LANCL3: variants seen among roughly 807,000 people sequenced by gnomAD.
LANCL3 encodes lanC-like protein 3.
In LANCL3, 19 loss-of-function variants were observed where a neutral mutation model predicts 26.5. The observed-to-expected ratio is 0.72, with a 90% CI of 0.50 to 1.05. The LOEUF is 1.05. Ranked by LOEUF, LANCL3 falls within the 50% of genes least tolerant of loss-of-function variation. The pLI, the probability that LANCL3 is intolerant of heterozygous loss-of-function variation, is 0.00. For missense variants in LANCL3, 318 were observed against 362.7 expected, an observed-to-expected ratio of 0.88 and a Z score of 1.00; for synonymous variants, 160 against 166.6, an observed-to-expected ratio of 0.96 and a Z score of 0.30.
rs567241559 is a variant in LANCL3, at chrX:37,595,596, C to T, written c.573+23153C>T. Among the ~76,000 whole-genome samples the T allele has an allele frequency of 4.4e-5, 5 of 112,395 alleles. 1 individual carries two copies. The South Asian group carries it at 1.1e-3, about 25-fold the overall frequency. On this transcript the variant is annotated intron_variant, in intron 1 of 4. Transcript: ENST00000378619. ...GTGACAGATCCAAATGATCCACTTA[C>T]GCGTTTCTGTGCTGACAAGTAGAAC...
chrX:37,630,340 G>T (rs1218127488), intron 1 of LANCL3, among the ~76,000 whole-genome samples: 1 of 111,647 alleles, frequency 9.0e-6, no homozygotes, highest in Non-Finnish European at 1.9e-5. Context: ...TCAGCTTAAG[G>T]AGATTTTGGG....
intron 1 of LANCL3, among the ~76,000 whole-genome samples, chrX:37,584,784 T>G (rs781940874): frequency 1.6e-3 from 184 of 111,842 alleles, no homozygotes; most frequent in African/African-American, 5.5e-3. Flanking sequence ...GGTTTTTTGT[T>G]TCTCTATCTC....
intron 1 of LANCL3, among the ~76,000 whole-genome samples, chrX:37,642,863 G>A (rs187366973): frequency 1.8e-5 from 2 of 112,308 alleles, no homozygotes; most frequent in East Asian, 5.6e-4. Context: ...AAGCCACTAT[G>A]AATTCAGAAT....
intron 1 of LANCL3, among the ~76,000 whole-genome samples, chrX:37,591,335 A>G (rs1556418910): frequency 8.9e-6 from 1 of 111,759 alleles, no homozygotes; most frequent in African/African-American, 3.3e-5. Context: ...AACACTAGAA[A>G]GATTCAGGAA....
intron 1 of LANCL3, among the ~76,000 whole-genome samples, chrX:37,635,670 C>T (rs782679070): frequency 2.9e-4 from 32 of 110,214 alleles, no homozygotes; most frequent in Non-Finnish European, 4.7e-4. Context: ...AAGAGGATTT[C>T]GAACATTCCC....
At chrX:37,630,860 T>C (rs1379875902) in intron 1 of LANCL3, among the ~76,000 whole-genome samples, 10 of 110,931 alleles carry the variant, frequency 9.0e-5, no homozygotes, top group African/African-American at 3.0e-4. Context: ...TGCCAGTATT[T>C]TATTGAAGAT....
At chrX:37,628,671 C>T (rs1299846727) in intron 1 of LANCL3, among the ~76,000 whole-genome samples, 2 of 94,461 alleles carry the variant, frequency 2.1e-5, no homozygotes, top group African/African-American at 8.0e-5. Context: ...TTGTTCAATT[C>T]CCACCTATGA....
intron 1 of LANCL3, among the ~76,000 whole-genome samples, chrX:37,637,636 C>T (rs1925741807): frequency 8.9e-6 from 1 of 111,982 alleles, no homozygotes; most frequent in Non-Finnish European, 1.9e-5. Flanking sequence ...CATCACAAGT[C>T]ACTAAGCAAT....
intron 1 of LANCL3, among the ~76,000 whole-genome samples, chrX:37,587,744 C>T (rs781836267): frequency 8.9e-6 from 1 of 112,482 alleles, no homozygotes; most frequent in South Asian, 3.7e-4. Context: ...TTGTGCTTCC[C>T]GGGTGAGGGG....
At chrX:37,667,574 G>GA (rs1926576410) in intron 4 of LANCL3, 85 bp downstream of exon 4, 1 of 717,449 alleles carries the variant, frequency 1.4e-6, no homozygotes, top group South Asian at 4.0e-5. Context: ...CACATGGTTT[G>GA]AAAAGCATAA....
chrX:37,673,051 T>A (rs933825945), intron 4 of LANCL3, among the ~76,000 whole-genome samples: 1 of 112,218 alleles, frequency 8.9e-6, no homozygotes, highest in South Asian at 3.7e-4. Flanking sequence ...ATCACTCGGG[T>A]TTTCTACCTC....
intron 1 of LANCL3, among the ~76,000 whole-genome samples, chrX:37,593,860 A>C (rs1924355475): frequency 8.9e-6 from 1 of 112,313 alleles, no homozygotes; most frequent in South Asian, 3.7e-4. Context: ...GTCAGCAAAC[A>C]TTTCCCCATC....
chrX:37,604,141 A>G (rs1186069031), intron 1 of LANCL3, among the ~76,000 whole-genome samples: 1 of 112,549 alleles, frequency 8.9e-6, no homozygotes, highest in Non-Finnish European at 1.9e-5. Flanking sequence ...TGTTCCCAAC[A>G]TTTCATTTGC....
chrX:37,656,431 C>T (rs2146780932), intron 2 of LANCL3, among the ~76,000 whole-genome samples: 1 of 111,575 alleles, frequency 9.0e-6, no homozygotes, highest in East Asian at 2.8e-4. Flanking sequence ...CTCTTTCCAC[C>T]TTTGTCCATG....
At chrX:37,609,833 G>A (rs1277512399) in intron 1 of LANCL3, among the ~76,000 whole-genome samples, 6 of 111,624 alleles carry the variant, frequency 5.4e-5, no homozygotes. Context: ...AGAGATAGGG[G>A]CATGCAGATT....
rs1409262719 is a variant in LANCL3 at position 37,617,128 on chromosome X, G to T, written c.574-38560G>T. The stretch of plus-strand genomic sequence containing the variant: ...GGAACAAGGAAAAGTGGGTGGGGGG[G>T]AGGGAGAGAGAGAGAGATTGACTGA... On this transcript the variant is annotated intron_variant, in intron 1 of 4. Coordinates refer to ENST00000378619, the MANE Select transcript of LANCL3 (RefSeq NM_001170331.2). Among the ~76,000 whole-genome samples the T allele has an allele frequency of 4.7e-5, 5 of 105,767 alleles. No individual in the cohort carries two copies. In the East Asian group the frequency reaches 1.6e-3, roughly 33 times the overall value. 91.8% of individuals were successfully genotyped at this position (105,767 alleles called of 115,157 possible).
chrX:37,617,786 A>T (rs912206758), intron 1 of LANCL3, among the ~76,000 whole-genome samples: 1 of 111,739 alleles, frequency 8.9e-6, no homozygotes, highest in African/African-American at 3.3e-5. Context: ...CATTTCCCCA[A>T]AGAGGGAAAG....
chrX:37,642,591 G>A (rs1273777225), intron 1 of LANCL3, among the ~76,000 whole-genome samples: 3 of 112,071 alleles, frequency 2.7e-5, no homozygotes, highest in East Asian at 2.8e-4. Flanking sequence ...TAACAGCCAT[G>A]TATGTCCATT....
At chrX:37,579,648 A>G (rs1486527690) in intron 1 of LANCL3, among the ~76,000 whole-genome samples, 1 of 111,826 alleles carries the variant, frequency 8.9e-6, no homozygotes, top group Non-Finnish European at 1.9e-5. Flanking sequence ...AGAAAGCAAA[A>G]CCTTGGATAA....
Sources: allele counts gnomAD v4.1 joint callset (sites outside exome capture counted in the v4.1 genomes callset), GRCh38; gene constraint gnomAD v4.1.1; transcripts MANE v1.5; gene names NCBI Gene and HGNC (gene_info 2026-07-23, HGNC 2026-07-21).